DOCK8: variants seen among roughly 807,000 people sequenced by gnomAD.
DOCK8 encodes dedicator of cytokinesis protein 8.
DOCK8 carries 141 observed loss-of-function variants against 245.6 expected under a neutral mutation model. The ratio of observed to expected loss-of-function variants is 0.57; its 90% CI spans 0.50 to 0.66. The LOEUF (loss-of-function observed/expected upper bound fraction) is 0.66, where lower values mean the gene tolerates loss of function less well. Ranked by LOEUF, DOCK8 falls within the 30% of genes least tolerant of loss-of-function variation. The pLI, the probability that DOCK8 is intolerant of heterozygous loss-of-function variation, is 0.00. For missense variants in DOCK8, 2,965 were observed against 2,603.4 expected, an observed-to-expected ratio of 1.14 and a Z score of -3.02; for synonymous variants, 1,168 against 970.2, an observed-to-expected ratio of 1.20 and a Z score of -3.79.
intron 2 of DOCK8, among the ~76,000 whole-genome samples, chr9:277,630 G>A (rs1245670002): frequency 6.6e-6 from 1 of 152,070 alleles, no homozygotes; most frequent in Non-Finnish European, 1.5e-5. Context: ...TTGAGACTGT[G>A]TAGGTGGTTA....
intron 28 of DOCK8, among the ~76,000 whole-genome samples, chr9:414,236 C>T (rs1346487262): frequency 6.6e-6 from 1 of 152,088 alleles, no homozygotes; most frequent in Non-Finnish European, 1.5e-5. Flanking sequence ...TACACATACT[C>T]ATAGCAGCGT....
chr9:358,392 C>G (rs1252325032), intron 14 of DOCK8, among the ~76,000 whole-genome samples: 1 of 152,214 alleles, frequency 6.6e-6, no homozygotes, highest in Non-Finnish European at 1.5e-5. Flanking sequence ...CTGTGCTCAA[C>G]TGCTTCCCAT....
chr9:430,414 G>C (rs945099668), intron 36 of DOCK8, among the ~76,000 whole-genome samples: 2 of 151,858 alleles, frequency 1.3e-5, no homozygotes, highest in African/African-American at 4.8e-5. Flanking sequence ...AGGTGCAGTG[G>C]CTCATGTCTG....
chr9:374,453 GTTTTTTTTTTTT>G (rs762085208), intron 18 of DOCK8, among the ~76,000 whole-genome samples: 1 of 75,348 alleles, frequency 1.3e-5, no homozygotes, highest in African/African-American at 5.5e-5. Context: ...GTCCTTTTGT[GTTTTTTTTTTTT>G]TTTTTTTTTT....
chr9:262,655 A>G (rs1259995122), intron 1 of DOCK8, among the ~76,000 whole-genome samples: 2 of 151,862 alleles, frequency 1.3e-5, no homozygotes, highest in Non-Finnish European at 2.9e-5. Flanking sequence ...AAAGCAAATT[A>G]GTAGTTACCA....
In DOCK8 at chr9:329,870, A is replaced by G. The variant is rs1030000506; in HGVS notation, c.1044+1699A>G. ...ATAAATGTGTTCATTTGGCATAACA[A>G]ACATACTAAAGTGTTTGGATAGGTT... On this transcript the variant is annotated intron_variant, in intron 9 of 47. Coordinates refer to ENST00000432829, the MANE Select transcript of DOCK8 (RefSeq NM_203447.4). 6.6e-5 allele frequency among the ~76,000 whole-genome samples: 10 copies of G among 152,382 alleles called. No individual in the cohort carries two copies. In the South Asian group the frequency reaches 1.7e-3, roughly 25 times the overall value.
At chr9:322,731 A>T (rs2050570678) in intron 7 of DOCK8, among the ~76,000 whole-genome samples, 1 of 152,198 alleles carries the variant, frequency 6.6e-6, no homozygotes, top group African/African-American at 2.4e-5. Flanking sequence ...CCCTTTGTGT[A>T]GTAGGGAGTA....
At chr9:212,540 G>A (rs2046636725), upstream of DOCK8, among the ~76,000 whole-genome samples, 1 of 152,206 alleles carries the variant, frequency 6.6e-6, no homozygotes, top group African/African-American at 2.4e-5. Flanking sequence ...CCAGCAATAT[G>A]TGAATGTATC....
chr9:252,702 G>C (rs1167969920), intron 1 of DOCK8, among the ~76,000 whole-genome samples: 1 of 151,468 alleles, frequency 6.6e-6, no homozygotes, highest in Non-Finnish European at 1.5e-5. Context: ...TACTTGGTAG[G>C]CTGAGGCAGG....
chr9:376,067 C>T lies in DOCK8; in HGVS notation c.2110-143C>T, dbSNP rs2131254667. On this transcript the variant is annotated intron_variant, in intron 18 of 47. Transcript: ENST00000432829. ...TTGAAGTTGAATCCAGGGCTCCTGA[C>T]TCCAAGAACAGTTAGATTAGTTTTC... is the stretch of plus-strand genomic sequence containing the variant. 4.2e-6 allele frequency: 3 copies of T among 708,502 alleles called. No individual in the cohort carries two copies. The East Asian group carries it at 7.7e-5, about 18-fold the overall frequency. 43.9% of individuals were successfully genotyped at this position (708,502 alleles called of 1,614,324 possible). A position where few individuals can be genotyped will look rare whatever the true frequency, so the allele number is the denominator to read the frequency against.
chr9:308,396 G>A (rs1445824970), intron 5 of DOCK8, among the ~76,000 whole-genome samples: 3 of 152,102 alleles, frequency 2.0e-5, no homozygotes, highest in Admixed American at 2.0e-4. Context: ...TTGAAATATT[G>A]GAATAATACT....
chr9:230,930 C>T (rs1487748775), intron 1 of DOCK8, among the ~76,000 whole-genome samples: 5 of 151,958 alleles, frequency 3.3e-5, no homozygotes, highest in Admixed American at 3.3e-4. Flanking sequence ...TCAATTGTGG[C>T]TTTTGTTGCC....
chr9:340,464 T>G, intron 14 of DOCK8, 143 bp downstream of exon 14: 1 of 1,065,130 alleles, frequency 9.4e-7, no homozygotes, highest in Admixed American at 2.1e-5. Context: ...CTACAACATA[T>G]ACAAAATTTA....
At chr9:283,823 A>G (rs776631168) in intron 2 of DOCK8, among the ~76,000 whole-genome samples, 15 of 152,250 alleles carry the variant, frequency 9.9e-5, no homozygotes, top group Non-Finnish European at 1.9e-4. Flanking sequence ...TGTATATGAA[A>G]CATAAATGAA....
chr9:432,559 CAATT>C (rs952513414), intron 37 of DOCK8, among the ~76,000 whole-genome samples: 6 of 152,098 alleles, frequency 3.9e-5, no homozygotes, highest in African/African-American at 9.7e-5. Flanking sequence ...AGTCTCAAAA[CAATT>C]AGGAGGCAGT....
At chr9:347,683 C>T (rs4142077) in intron 14 of DOCK8, among the ~76,000 whole-genome samples, 99,014 of 152,038 alleles carry the variant, frequency 0.65, 32,536 homozygotes, top group East Asian at 0.84. Flanking sequence ...AGCCAAGGAA[C>T]GGAGACAAAG....
chr9:399,824 C>A (rs902285044), intron 26 of DOCK8, among the ~76,000 whole-genome samples: 1 of 151,956 alleles, frequency 6.6e-6, no homozygotes, highest in African/African-American at 2.4e-5. Context: ...CCTCAAACTA[C>A]CTTAACAATA....
intron 46 of DOCK8, among the ~76,000 whole-genome samples, chr9:461,856 T>G (rs1168791111): frequency 6.6e-6 from 1 of 152,086 alleles, no homozygotes; most frequent in Admixed American, 6.6e-5. Flanking sequence ...GACTGCATTT[T>G]TCTTTTTTCT....
rs535647792 is a variant in DOCK8, at chr9:362,184, T to C, written c.1680-5834T>C. Reference sequence around the variant, plus strand: ...AGATGTGGGTATCAGTGACACAATGTTTTTTACTCAAAACATGGTTTAGCT... The same window carrying C: ...AGATGTGGGTATCAGTGACACAATGCTTTTTACTCAAAACATGGTTTAGCT... On this transcript the variant is annotated intron_variant, in intron 14 of 47. Transcript: ENST00000432829. Among the ~76,000 whole-genome samples the C allele has an allele frequency of 3.3e-4, 50 of 152,282 alleles. 1 individual carries two copies. The highest frequency in any genetic ancestry group is 6.3e-4 in the Non-Finnish European group (43 of 68,024).
Sources: gnomAD v4.1 joint callset for allele counts (sites outside exome capture counted in the v4.1 genomes callset) on GRCh38, gnomAD v4.1.1 for gene constraint, MANE v1.5 for transcripts, NCBI Gene and HGNC (gene_info 2026-07-23, HGNC 2026-07-21) for gene names.